Variants in TENM4 observed in about 807,000 individuals in gnomAD.
TENM4 encodes the protein teneurin-4.
TENM4 carries 82 observed loss-of-function variants against 243.3 expected under a neutral mutation model. The ratio of observed to expected loss-of-function variants is 0.34; its 90% CI spans 0.28 to 0.40. The LOEUF is 0.40. TENM4 is among the 10% of genes least tolerant of loss of function. TENM4 has a pLI of 1.00. For missense variants in TENM4, 3,138 were observed against 3,673.3 expected (o/e 0.85, Z 3.77); for synonymous variants, 1,412 against 1,456.3 (o/e 0.97, Z 0.69).
chr11:78,999,736 A>G (rs1858267293), intron 6 of TENM4, among the ~76,000 whole-genome samples: 1 of 152,160 alleles, frequency 6.6e-6, no homozygotes, highest in African/African-American at 2.4e-5. Context: ...CAGTCAATAG[A>G]AACTGACTGA....
intron 3 of TENM4, among the ~76,000 whole-genome samples, chr11:79,178,789 A>G (rs1380616235): frequency 6.6e-6 from 1 of 152,228 alleles, no homozygotes; most frequent in African/African-American, 2.4e-5. Flanking sequence ...TCTGGCACAC[A>G]GTAGGCAATA....
chr11:79,040,204 C>T (rs1255053973), intron 6 of TENM4, among the ~76,000 whole-genome samples: 4 of 152,108 alleles, frequency 2.6e-5, no homozygotes, highest in Non-Finnish European at 5.9e-5. Flanking sequence ...TGTCTCTGAG[C>T]TTCAGTTTCT....
chr11:79,166,879 G>A (rs1452915600), intron 3 of TENM4, among the ~76,000 whole-genome samples: 2 of 152,200 alleles, frequency 1.3e-5, no homozygotes, highest in Non-Finnish European at 2.9e-5. Context: ...ATGAACAATG[G>A]TTGAGAGGCA....
chr11:78,921,245 T>C (rs199968546), intron 6 of TENM4, among the ~76,000 whole-genome samples: 2 of 152,194 alleles, frequency 1.3e-5, no homozygotes, highest in East Asian at 1.9e-4. Flanking sequence ...TGGCGTGATA[T>C]TACTTAGGTC....
At chr11:78,891,659 A>G (rs995385966) in intron 7 of TENM4, among the ~76,000 whole-genome samples, 1 of 152,190 alleles carries the variant, frequency 6.6e-6, no homozygotes, top group Non-Finnish European at 1.5e-5. Context: ...CAAAATGGCT[A>G]TGTGAGGAAG....
chr11:78,812,364 C>A (rs1436731906), intron 13 of TENM4, 48 bp from the exon 14 acceptor site: 2 of 1,531,810 alleles, frequency 1.3e-6, no homozygotes, highest in South Asian at 1.2e-5. Context: ...TCCAGCACAC[C>A]CCAACTGCCT....
chr11:79,434,047 TTC>T (rs1474068148), intron 1 of TENM4, among the ~76,000 whole-genome samples: 2 of 152,200 alleles, frequency 1.3e-5, no homozygotes, highest in Non-Finnish European at 2.9e-5. Context: ...TTCCACTGAA[TTC>T]TTTGTCAGAT....
At chr11:78,843,619 A>G (rs1479739105) in intron 12 of TENM4, among the ~76,000 whole-genome samples, 1 of 152,246 alleles carries the variant, frequency 6.6e-6, no homozygotes, top group East Asian at 1.9e-4. Flanking sequence ...ATTTGTAAAG[A>G]TTGAAAAGCC....
At chr11:79,402,169 G>T (rs967453275) in intron 1 of TENM4, 1 of 309,332 alleles carries the variant, frequency 3.2e-6, no homozygotes, top group African/African-American at 2.1e-5. Context: ...GAAAACCCCT[G>T]GGGCAGGAGA....
At chr11:79,327,050 T>C (rs1479891237) in intron 1 of TENM4, among the ~76,000 whole-genome samples, 1 of 152,236 alleles carries the variant, frequency 6.6e-6, no homozygotes, top group Non-Finnish European at 1.5e-5. Context: ...TGGTTTGCCC[T>C]GAACTGAGTG....
intron 12 of TENM4, among the ~76,000 whole-genome samples, chr11:78,823,588 T>C (rs555268279): frequency 4.7e-4 from 71 of 151,974 alleles, no homozygotes; most frequent in Non-Finnish European, 8.8e-4. Flanking sequence ...AGAAAGCTCA[T>C]GAATGGAGCT....
intron 6 of TENM4, among the ~76,000 whole-genome samples, chr11:78,971,918 G>A (rs1002104960): frequency 2.6e-5 from 4 of 152,114 alleles, no homozygotes; most frequent in African/African-American, 7.2e-5. Context: ...ATTAAGTGAC[G>A]TGGGAAATAG....
At chr11:79,342,239 G>T (rs1348595333) in intron 1 of TENM4, among the ~76,000 whole-genome samples, 7 of 152,212 alleles carry the variant, frequency 4.6e-5, no homozygotes, top group African/African-American at 1.7e-4. Context: ...CTGACATGAG[G>T]AGAGTTGACC....
chr11:78,726,929 GA>G (rs1253038078), intron 22 of TENM4, among the ~76,000 whole-genome samples: 1 of 152,146 alleles, frequency 6.6e-6, no homozygotes, highest in Non-Finnish European at 1.5e-5. Flanking sequence ...ATATAGTATG[GA>G]AAATATTTTG....
intron 1 of TENM4, among the ~76,000 whole-genome samples, chr11:79,324,693 TAGAG>T (rs1399071656): frequency 6.6e-6 from 1 of 152,132 alleles, no homozygotes; most frequent in Non-Finnish European, 1.5e-5. Context: ...TATAGATATA[TAGAG>T]AAAGACACAT....
At chr11:79,189,222 A>G (rs1393220267) in intron 3 of TENM4, among the ~76,000 whole-genome samples, 17 of 152,254 alleles carry the variant, frequency 1.1e-4, no homozygotes, top group Admixed American at 1.1e-3. Context: ...TCATAAAAAA[A>G]TCTAAGAGGA....
chr11:79,152,620 AGT>A (rs1862533063), intron 3 of TENM4, among the ~76,000 whole-genome samples: 1 of 152,250 alleles, frequency 6.6e-6, no homozygotes, highest in African/African-American at 2.4e-5. Context: ...ACAACCTTCC[AGT>A]GGAACGGGAA....
intron 1 of TENM4, among the ~76,000 whole-genome samples, chr11:79,306,038 G>A (rs1856620870): frequency 6.6e-6 from 1 of 152,220 alleles, no homozygotes; most frequent in Non-Finnish European, 1.5e-5. Flanking sequence ...CTCTGCTTCA[G>A]GCCCTCTGAT....
intron 1 of TENM4, among the ~76,000 whole-genome samples, chr11:79,415,735 G>A (rs1201977926): frequency 6.6e-6 from 1 of 152,110 alleles, no homozygotes; most frequent in Admixed American, 6.5e-5. Flanking sequence ...ATACTTTATT[G>A]AGCTATATTT....
Sources: allele counts gnomAD v4.1 joint callset (sites outside exome capture counted in the v4.1 genomes callset), GRCh38; gene constraint gnomAD v4.1.1; transcripts MANE v1.5; gene names NCBI Gene and HGNC (gene_info 2026-07-23, HGNC 2026-07-21).